The following CNTRL variants were observed in gnomAD, a reference collection of about 807,000 sequenced individuals.
CNTRL encodes 110 kDa centrosomal protein.
CNTRL carries 233 observed loss-of-function variants against 303.7 expected under a neutral mutation model. That is an observed-to-expected ratio of 0.77 (90% confidence interval 0.69 to 0.86). The LOEUF (loss-of-function observed/expected upper bound fraction) is 0.86, where lower values mean the gene tolerates loss of function less well. Among genes scored for constraint, CNTRL ranks in the 40% least tolerant of loss-of-function variants. The pLI, the probability that CNTRL is intolerant of heterozygous loss-of-function variation, is 0.00. For synonymous variants in CNTRL, 900 were observed against 922.2 expected (o/e 0.98, Z 0.44); for missense variants, 2,524 against 2,650.6 (o/e 0.95, Z 1.05).
At chr9:121,158,815 G>A in intron 30 of CNTRL, 40 bp from the exon 31 acceptor site, 1 of 1,593,662 alleles carries the variant, frequency 6.3e-7, no homozygotes, top group African/African-American at 1.3e-5. Flanking sequence ...AGGGCTGTAT[G>A]GCCTTTGTCA....
chr9:121,148,603 CTT>C, intron 23 of CNTRL, 67 bp from the exon 24 acceptor site: 1 of 1,426,140 alleles, frequency 7.0e-7, no homozygotes, highest in Non-Finnish European at 9.6e-7. Context: ...TTGCTGTAGA[CTT>C]TGACGTTTCT....
At chr9:121,121,785 T>G (rs938316038) in intron 12 of CNTRL, 5 of 985,424 alleles carry the variant, frequency 5.1e-6, no homozygotes, top group Non-Finnish European at 6.0e-6. Context: ...TGGCCAAGAA[T>G]GTGGTTTGAG....
intron 20 of CNTRL, 105 bp downstream of exon 20, chr9:121,144,187 C>A: frequency 5.0e-6 from 5 of 997,014 alleles, no homozygotes; most frequent in African/African-American, 1.6e-5. Context: ...ATTTTATAAA[C>A]CACTGTAAAG....
chr9:121,157,781 TCAAG>T lies in CNTRL; in HGVS notation c.4543_4546del (p.Gln1515LysfsTer4). 6.2e-7 allele frequency: 1 copy of T among 1,613,962 alleles called. No homozygotes were observed. The highest frequency in any genetic ancestry group is 8.5e-7 in the Non-Finnish European group (1 of 1,179,978). ...GCAAAGGATTTGGAGCAGCACAAAA[TCAAG>T]CAAGAAGAAATCTTGAAAGAAATAA... On this transcript the variant is annotated frameshift_variant, in exon 29 of 44. Coordinates refer to ENST00000373855, the MANE Select transcript of CNTRL (RefSeq NM_007018.6). LOFTEE classifies it high-confidence loss of function.
At chr9:121,159,914 T>C (rs904573640) in intron 31 of CNTRL, among the ~76,000 whole-genome samples, 1 of 152,176 alleles carries the variant, frequency 6.6e-6, no homozygotes, top group Non-Finnish European at 1.5e-5. Flanking sequence ...TTGCCTTGCT[T>C]ACAGTAATGT....
At chr9:121,078,424 A>G (rs1233500542) in intron 1 of CNTRL, among the ~76,000 whole-genome samples, 3 of 152,218 alleles carry the variant, frequency 2.0e-5, no homozygotes, top group African/African-American at 7.2e-5. Context: ...AGAAAAAAAT[A>G]GTATTACTGA....
chr9:121,098,706 A>C, intron 7 of CNTRL, 134 bp downstream of exon 7: 1 of 670,820 alleles, frequency 1.5e-6, no homozygotes, highest in South Asian at 2.1e-5. Context: ...AAATCAATTC[A>C]ACAAATATTT....
intron 23 of CNTRL, among the ~76,000 whole-genome samples, chr9:121,146,893 T>TG (rs2051895881): frequency 6.6e-6 from 1 of 152,204 alleles, no homozygotes; most frequent in South Asian, 2.1e-4. Flanking sequence ...ACAGCTCGTA[T>TG]GGAAGAGGAG....
chr9:121,080,590 G>A (rs2048099871), intron 2 of CNTRL, 112 bp downstream of exon 2: 10 of 152,184 alleles, frequency 6.6e-5, no homozygotes, highest in Admixed American at 6.5e-4. Context: ...TTCATATGGA[G>A]TCAAATTTAC....
In CNTRL at chr9:121,152,681, G is replaced by A. The variant is rs778847035; in HGVS notation, c.4160G>A (p.Arg1387His). ...VEELHRTVQK[R>H]QQQKDFIDGN... ...GAATTACATAGAACTGTCCAGAAAC[G>A]TCAACAGCAAAAGTAATTAATATAT... Residue 1387 changes from arginine to histidine, a missense_variant, in exon 26 of 44, where the codon CGT (arginine) becomes CAT (histidine). Arg to His is a conservative substitution (Grantham distance 29, BLOSUM62 0). Transcript: ENST00000373855. 13 of 1,605,780 alleles carry A rather than the reference G, an allele frequency of 8.1e-6. No homozygotes were observed. The highest frequency in any genetic ancestry group is 2.2e-5 in the East Asian group (1 of 44,824).
intron 43 of CNTRL, among the ~76,000 whole-genome samples, chr9:121,176,502 TGA>T (rs2053529287): frequency 6.6e-6 from 1 of 152,038 alleles, no homozygotes; most frequent in South Asian, 2.1e-4. Flanking sequence ...AGGAGGAGTG[TGA>T]GAGGCACTGG....
Position 121,160,227 on chromosome 9 carries a change from C to T in CNTRL, c.5014C>T (p.Leu1672Phe), listed in dbSNP as rs1282457766. Residue 1672 changes from leucine to phenylalanine, a missense_variant, in exon 32 of 44, where the codon CTT (leucine) becomes TTT (phenylalanine). Coordinates refer to ENST00000373855, the MANE Select transcript of CNTRL (RefSeq NM_007018.6). ...QISERKTQLTLIKQEIEKEEE... is the reference protein window; with the variant it reads ...QISERKTQLTFIKQEIEKEEE... Reference sequence around the variant, plus strand: ...TAGTGAAAGAAAAACTCAACTTACACTTATAAAGCAGGAAATTGAAAAAGA... The same window carrying T: ...TAGTGAAAGAAAAACTCAACTTACATTTATAAAGCAGGAAATTGAAAAAGA... 6.4e-7 allele frequency: 1 copy of T among 1,561,966 alleles called. No individual in the cohort carries two copies. Among genetic ancestry groups the T allele is most frequent in the African/African-American group, 1.4e-5 (1 of 72,008 alleles).
In CNTRL at chr9:121,153,156, A is replaced by G. The variant is rs531473322; in HGVS notation, c.4172+463A>G. 2.6e-5 allele frequency among the ~76,000 whole-genome samples: 4 copies of G among 152,192 alleles called. No individual in the cohort carries two copies. The East Asian group carries it at 7.7e-4, about 29-fold the overall frequency. On this transcript the variant is annotated intron_variant, in intron 26 of 43. Coordinates refer to ENST00000373855, the MANE Select transcript of CNTRL (RefSeq NM_007018.6). ...GTCATCTCCCCTTCTCTAGCTTTTAATTAGTCTCATCCTAGCGATTGTAAT... is the reference window on the plus strand; with the variant it reads ...GTCATCTCCCCTTCTCTAGCTTTTAGTTAGTCTCATCCTAGCGATTGTAAT...
chr9:121,090,763 G>T (rs2048533324), intron 4 of CNTRL, among the ~76,000 whole-genome samples: 1 of 152,214 alleles, frequency 6.6e-6, no homozygotes, highest in Non-Finnish European at 1.5e-5. Flanking sequence ...AGTTGCCACA[G>T]ACTATATGGC....
chr9:121,147,040 TC>T (rs1396943780), intron 23 of CNTRL, among the ~76,000 whole-genome samples: 5 of 152,220 alleles, frequency 3.3e-5, no homozygotes, highest in African/African-American at 1.2e-4. Context: ...TCTTGCTGTG[TC>T]CCCCAGGCTG....
intron 14 of CNTRL, among the ~76,000 whole-genome samples, chr9:121,126,718 C>G (rs750795570): frequency 3.9e-5 from 6 of 152,078 alleles, no homozygotes; most frequent in Non-Finnish European, 5.9e-5. Flanking sequence ...CATCCATAAG[C>G]AATATATAGT....
In CNTRL at chr9:121,162,129, CTTG is replaced by C. The variant is rs775738680; in HGVS notation, c.5282_5284del (p.Leu1761_Glu1762delinsGln). 1 of 1,614,138 alleles carries C rather than the reference CTTG, an allele frequency of 6.2e-7. No homozygotes were observed. The highest frequency in any genetic ancestry group is 1.7e-5 in the Admixed American group (1 of 60,022). The stretch of plus-strand genomic sequence containing the variant: ...GGAAATAGAGTGGCAGAAGCAGCTC[CTTG>C]AGAGGGATAAACGAGAAATAGAACG... On this transcript the variant is annotated inframe_deletion, in exon 34 of 44. Transcript: ENST00000373855.
At chr9:121,097,293 A>T (rs1467601289) in intron 6 of CNTRL, among the ~76,000 whole-genome samples, 1 of 152,182 alleles carries the variant, frequency 6.6e-6, no homozygotes, top group Non-Finnish European at 1.5e-5. Context: ...TGTGACTTCA[A>T]AGATGGGCCT....
intron 8 of CNTRL, among the ~76,000 whole-genome samples, chr9:121,111,502 T>G (rs1240266587): frequency 6.6e-6 from 1 of 152,128 alleles, no homozygotes; most frequent in Non-Finnish European, 1.5e-5. Context: ...TGTAAAATGT[T>G]TGTGTTTGTT....
Sources: gnomAD v4.1 joint callset for allele counts (sites outside exome capture counted in the v4.1 genomes callset) on GRCh38, gnomAD v4.1.1 for gene constraint, MANE v1.5 for transcripts, NCBI Gene and HGNC (gene_info 2026-07-23, HGNC 2026-07-21) for gene names.